The following HDAC4 variants were observed in gnomAD, a reference collection of about 807,000 sequenced individuals.
The protein encoded by HDAC4 is histone deacetylase 4, also known as histone deacetylase A.
A neutral mutation model predicts 135.1 loss-of-function variants in HDAC4; 16 were observed. The ratio of observed to expected loss-of-function variants is 0.12; its 90% confidence interval spans 0.08 to 0.18. HDAC4 has a LOEUF of 0.18. Ranked by LOEUF, HDAC4 falls within the 10% of genes least tolerant of loss-of-function variation. HDAC4 has a pLI of 1.00. For synonymous variants in HDAC4, 685 were observed against 653.4 expected (o/e 1.05, Z -0.74); for missense variants, 1,143 against 1,511.8 (o/e 0.76, Z 4.05).
rs1259294704 is a variant in HDAC4 at position 239,094,829 on chromosome 2, G to A, written c.2280+181C>T. 10 of 1,492,094 alleles carry A rather than the reference G, an allele frequency of 6.7e-6. No homozygotes were observed. The African/African-American group carries it at 6.9e-5, about 10-fold the overall frequency. The allele number at this position is 1,492,094 out of a possible 1,614,324, so 92.4% of individuals were successfully genotyped here. A position where few individuals can be genotyped will look rare whatever the true frequency, so the allele number is the denominator to read the frequency against. The stretch of plus-strand genomic sequence containing the variant: ...CAACCTTCCCCAGAGAAAGGTGCCC[G>A]AGTCGGCGATCAAAACGCTCTCGGC... On this transcript the variant is annotated intron_variant, in intron 17 of 26. Coordinates refer to ENST00000543185, the MANE Select transcript of HDAC4 (RefSeq NM_001378414.1).
intron 1 of HDAC4, among the ~76,000 whole-genome samples, chr2:239,393,590 A>AC (rs958822930): frequency 1.6e-4 from 25 of 152,126 alleles, no homozygotes; most frequent in Middle Eastern, 6.8e-3. Flanking sequence ...AAAAAGGACC[A>AC]CACCCCATTC....
At chr2:239,054,867 CA>C in intron 24 of HDAC4, 34 bp from the exon 25 acceptor site, 1 of 1,394,270 alleles carries the variant, frequency 7.2e-7, no homozygotes. Context: ...TAAAGACTGC[CA>C]ATATAATCCA....
intron 1 of HDAC4, among the ~76,000 whole-genome samples, chr2:239,360,326 C>T (rs1399783262): frequency 6.6e-6 from 1 of 152,196 alleles, no homozygotes; most frequent in Non-Finnish European, 1.5e-5. Context: ...CAAGGGGACC[C>T]GGAGACCCCA....
intron 3 of HDAC4, among the ~76,000 whole-genome samples, chr2:239,206,652 T>G (rs568977466): frequency 4.2e-4 from 59 of 139,526 alleles, no homozygotes; most frequent in East Asian, 3.9e-3. Context: ...AACAGATAAA[T>G]CTCAAGGACT....
At chr2:239,335,935 T>C (rs1691906120) in intron 2 of HDAC4, among the ~76,000 whole-genome samples, 1 of 152,162 alleles carries the variant, frequency 6.6e-6, no homozygotes, top group Non-Finnish European at 1.5e-5. Context: ...TATACAAGAA[T>C]GTTACAGTAG....
intron 16 of HDAC4, among the ~76,000 whole-genome samples, chr2:239,101,193 G>A (rs557424295): frequency 2.0e-5 from 3 of 152,162 alleles, no homozygotes; most frequent in Non-Finnish European, 4.4e-5. Flanking sequence ...TGAGGCTTCT[G>A]TCCTTTTAGA....
At chr2:239,097,336 G>A (rs2037203656) in intron 16 of HDAC4, among the ~76,000 whole-genome samples, 1 of 152,230 alleles carries the variant, frequency 6.6e-6, no homozygotes, top group African/African-American at 2.4e-5. Context: ...GCCCACTGAG[G>A]GCAGCAGCAC....
rs1488230871 is a variant in HDAC4, at chr2:239,172,307, T to C, written c.490+4106A>G. Reference sequence around the variant, plus strand: ...TGGTGAAAAAAAATATATATATATATATATATATATATCACTAAAAACATA... The same window carrying C: ...TGGTGAAAAAAAATATATATATATACATATATATATATCACTAAAAACATA... On this transcript the variant is annotated intron_variant, in intron 5 of 26. Coordinates refer to ENST00000543185, the MANE Select transcript of HDAC4 (RefSeq NM_001378414.1). 4.6e-4 allele frequency among the ~76,000 whole-genome samples: 62 copies of C among 135,844 alleles called. 1 individual carries two copies. In the South Asian group the frequency reaches 0.014, roughly 31 times the overall value. 89.1% of individuals were successfully genotyped at this position (135,844 alleles called of 152,430 possible). A position where few individuals can be genotyped will look rare whatever the true frequency, so the allele number is the denominator to read the frequency against.
intron 11 of HDAC4, among the ~76,000 whole-genome samples, chr2:239,128,526 C>A (rs1254795075): frequency 6.8e-5 from 10 of 147,688 alleles, no homozygotes; most frequent in South Asian, 2.2e-4. Context: ...GACTCTGTCT[C>A]AAAAAAAAAA....
intron 1 of HDAC4, among the ~76,000 whole-genome samples, chr2:239,380,427 T>C (rs1695338001): frequency 6.6e-6 from 1 of 152,256 alleles, no homozygotes; most frequent in Non-Finnish European, 1.5e-5. Context: ...AGTTATTGTA[T>C]GTATAAACAT....
intron 1 of HDAC4, among the ~76,000 whole-genome samples, chr2:239,386,826 G>A (rs889969949): frequency 2.6e-5 from 4 of 152,340 alleles, no homozygotes; most frequent in African/African-American, 9.6e-5. Flanking sequence ...TCCCTGGAGA[G>A]AAGAGAAGCT....
At chr2:239,395,240 G>A (rs1011118974) in intron 1 of HDAC4, among the ~76,000 whole-genome samples, 6 of 152,188 alleles carry the variant, frequency 3.9e-5, no homozygotes, top group Admixed American at 1.3e-4. Context: ...GGATCAGGCA[G>A]GCCTTCCAGG....
At chr2:239,071,422 C>CA (rs1257585448) in intron 22 of HDAC4, among the ~76,000 whole-genome samples, 1 of 151,556 alleles carries the variant, frequency 6.6e-6, no homozygotes, top group Non-Finnish European at 1.5e-5. Flanking sequence ...CCTCAGAAAA[C>CA]AAAAAAAGAC....
chr2:239,063,564 C>T (rs368127703), intron 24 of HDAC4, among the ~76,000 whole-genome samples: 1 of 152,264 alleles, frequency 6.6e-6, no homozygotes, highest in African/African-American at 2.4e-5. Flanking sequence ...GGGACGTATG[C>T]GCCCACCCCT....
chr2:239,127,435 T>A (rs888630375), intron 11 of HDAC4, among the ~76,000 whole-genome samples: 2 of 152,220 alleles, frequency 1.3e-5, no homozygotes, highest in African/African-American at 4.8e-5. Context: ...CATTTTTTCC[T>A]TCTGCATGCG....
At chr2:239,263,870 G>T (rs1051788697) in intron 2 of HDAC4, among the ~76,000 whole-genome samples, 5 of 152,180 alleles carry the variant, frequency 3.3e-5, no homozygotes, top group African/African-American at 1.2e-4. Context: ...TGGCTGCCCA[G>T]TGACGCCACT....
chr2:239,120,518 C>A (rs1191177482), intron 12 of HDAC4, among the ~76,000 whole-genome samples: 1 of 149,782 alleles, frequency 6.7e-6, no homozygotes, highest in Admixed American at 6.7e-5. Context: ...CACACAGAGA[C>A]AAGGAGAGGA....
chr2:239,375,392 T>C (rs1694934558), intron 1 of HDAC4, among the ~76,000 whole-genome samples: 1 of 142,802 alleles, frequency 7.0e-6, no homozygotes, highest in African/African-American at 2.6e-5. Context: ...TCACTTGTCC[T>C]CACCGGGCCA....
At chr2:239,247,752 A>T (rs752102458) in intron 2 of HDAC4, among the ~76,000 whole-genome samples, 4 of 152,170 alleles carry the variant, frequency 2.6e-5, no homozygotes, top group Non-Finnish European at 4.4e-5. Flanking sequence ...AATAAACTCA[A>T]AGTGGCCATT....
Sources: allele counts gnomAD v4.1 joint callset (sites outside exome capture counted in the v4.1 genomes callset), GRCh38; gene constraint gnomAD v4.1.1; transcripts MANE v1.5; gene names NCBI Gene and HGNC (gene_info 2026-07-23, HGNC 2026-07-21).